The following MAML2 variants were observed in gnomAD, a reference collection of about 807,000 sequenced individuals.
The protein encoded by MAML2 is mastermind-like protein 2.
MAML2 carries 22 observed loss-of-function variants against 96.1 expected under a neutral mutation model. That is an observed-to-expected ratio of 0.23 (90% CI 0.16 to 0.33). The LOEUF (loss-of-function observed/expected upper bound fraction) is 0.33, where lower values mean the gene tolerates loss of function less well. Among genes scored for constraint, MAML2 ranks in the 10% least tolerant of loss-of-function variants. The pLI is 1.00. For missense variants in MAML2, 1,367 were observed against 1,392.4 expected, an observed-to-expected ratio of 0.98 and a Z score of 0.29; for synonymous variants, 561 against 521.3, an observed-to-expected ratio of 1.08 and a Z score of -1.04.
intron 2 of MAML2, among the ~76,000 whole-genome samples, chr11:96,091,141 C>G: frequency 6.6e-6 from 1 of 152,228 alleles, no homozygotes; most frequent in East Asian, 1.9e-4. Context: ...GTTAACCAAA[C>G]GATGTAAGGT....
At chr11:96,263,816 C>T (rs1391628080) in intron 1 of MAML2, among the ~76,000 whole-genome samples, 2 of 152,160 alleles carry the variant, frequency 1.3e-5, no homozygotes, top group Admixed American at 6.5e-5. Context: ...AAATTGGAGT[C>T]AAGAGACCCA....
At chr11:96,284,796 T>G (rs1863116063) in intron 1 of MAML2, among the ~76,000 whole-genome samples, 1 of 152,236 alleles carries the variant, frequency 6.6e-6, no homozygotes, top group South Asian at 2.1e-4. Flanking sequence ...AATATTCCTC[T>G]CCCATGAAGA....
At chr11:96,079,247 A>G (rs1392792712) in intron 2 of MAML2, among the ~76,000 whole-genome samples, 1 of 152,246 alleles carries the variant, frequency 6.6e-6, no homozygotes, top group East Asian at 1.9e-4. Context: ...ACTTGGGACT[A>G]TGAAAATAAT....
intron 1 of MAML2, among the ~76,000 whole-genome samples, chr11:96,309,028 T>C (rs1863502761): frequency 6.6e-6 from 1 of 152,194 alleles, no homozygotes; most frequent in Non-Finnish European, 1.5e-5. Context: ...AATAACTCAT[T>C]AGTTAAGTTC....
intron 1 of MAML2, among the ~76,000 whole-genome samples, chr11:96,212,791 A>C (rs1285896414): frequency 6.6e-6 from 1 of 152,240 alleles, no homozygotes; most frequent in Non-Finnish European, 1.5e-5. Flanking sequence ...TCCTTCTGAC[A>C]TAAAGGAGCA....
At chr11:96,082,038 T>C (rs568724815) in intron 2 of MAML2, among the ~76,000 whole-genome samples, 1 of 152,338 alleles carries the variant, frequency 6.6e-6, no homozygotes, top group African/African-American at 2.4e-5. Context: ...TCCTTTGTCC[T>C]GCCTTTTTTT....
intron 1 of MAML2, among the ~76,000 whole-genome samples, chr11:96,105,932 G>T (rs1425307833): frequency 6.6e-6 from 1 of 151,314 alleles, no homozygotes; most frequent in African/African-American, 2.4e-5. Flanking sequence ...GCCTGGAAAT[G>T]AGAATTTGTA....
chr11:96,193,499 T>G (rs1167524900), intron 1 of MAML2, among the ~76,000 whole-genome samples: 1 of 152,222 alleles, frequency 6.6e-6, no homozygotes, highest in Non-Finnish European at 1.5e-5. Context: ...AAAGATATGC[T>G]GATAGATTTT....
At chr11:96,135,837 T>C (rs1235049430) in intron 1 of MAML2, among the ~76,000 whole-genome samples, 2 of 145,752 alleles carry the variant, frequency 1.4e-5, no homozygotes, top group African/African-American at 5.1e-5. Flanking sequence ...CACTCCAGCC[T>C]GGGCAACAGA....
chr11:96,112,619 C>T (rs1860148559), intron 1 of MAML2, among the ~76,000 whole-genome samples: 1 of 152,240 alleles, frequency 6.6e-6, no homozygotes. Flanking sequence ...CCATTCTTCC[C>T]TCCCCTCTGA....
At chr11:96,091,744 CTTTATGAGGT>C in intron 2 of MAML2, 138 bp downstream of exon 2, 1 of 1,205,340 alleles carries the variant, frequency 8.3e-7, no homozygotes, top group Non-Finnish European at 1.1e-6. Flanking sequence ...ACGAACCAGG[CTTTATGAGGT>C]CTTCATATGA....
chr11:96,093,010 TA>T lies in MAML2; in HGVS notation c.1020del (p.Phe340LeufsTer23), dbSNP rs1483904796. 1 of 1,613,896 alleles carries T rather than the reference TA, an allele frequency of 6.2e-7. No homozygotes were observed. The highest frequency in any genetic ancestry group is 8.5e-7 in the Non-Finnish European group (1 of 1,179,888). On this transcript the variant is annotated frameshift_variant, in exon 2 of 5. Transcript: ENST00000524717. LOFTEE classifies it high-confidence loss of function. ...INATIKQDDP[F>X]NIDLGQQSQR... Reference sequence around the variant, plus strand: ...TGGCTTTGCTGACCCAAGTCAATGTTAAATGGGTCATCCTGCTTTATGGTGG... The same window carrying T: ...TGGCTTTGCTGACCCAAGTCAATGTTAATGGGTCATCCTGCTTTATGGTGG...
intron 1 of MAML2, among the ~76,000 whole-genome samples, chr11:96,204,789 T>G (rs968454268): frequency 2.6e-5 from 4 of 152,268 alleles, no homozygotes; most frequent in African/African-American, 7.2e-5. Context: ...TTCCTGGCTT[T>G]CTGCCAAGGT....
At chr11:96,129,274 G>C (rs1292698202) in intron 1 of MAML2, among the ~76,000 whole-genome samples, 1 of 152,144 alleles carries the variant, frequency 6.6e-6, no homozygotes. Flanking sequence ...CTAAAAATAA[G>C]TAAAGAAGAG....
chr11:96,053,714 G>A (rs1859021434), intron 2 of MAML2, among the ~76,000 whole-genome samples: 3 of 152,186 alleles, frequency 2.0e-5, no homozygotes, highest in African/African-American at 7.2e-5. Context: ...TCATTAGGGT[G>A]ATTACATAAT....
At chr11:96,135,032 C>T (rs527589473) in intron 1 of MAML2, among the ~76,000 whole-genome samples, 2 of 152,318 alleles carry the variant, frequency 1.3e-5, no homozygotes, top group South Asian at 4.1e-4. Context: ...TTTGAATGTG[C>T]CCCACAAAGT....
rs1016760276 is a variant in MAML2 at position 96,294,035 on chromosome 11, G to A, written c.513+47348C>T. Among the ~76,000 whole-genome samples, 22 of 152,172 alleles carry A rather than the reference G, an allele frequency of 1.4e-4. 1 individual carries two copies. Among genetic ancestry groups the A allele is most frequent in the South Asian group, 4.1e-4 (2 of 4,834 alleles). ...CAAAGTACAGAAATTATTCTGGAGA[G>A]AGGCCAATGAATTTTAAGTATTATT... On this transcript the variant is annotated intron_variant, in intron 1 of 4. Coordinates refer to ENST00000524717, the MANE Select transcript of MAML2 (RefSeq NM_032427.4).
At chr11:96,271,264 A>G (rs1199561444) in intron 1 of MAML2, among the ~76,000 whole-genome samples, 1 of 152,146 alleles carries the variant, frequency 6.6e-6, no homozygotes, top group Admixed American at 6.5e-5. Flanking sequence ...GTATACATAT[A>G]TCCTATTAGT....
At chr11:96,084,036 A>G (rs1001667809) in intron 2 of MAML2, among the ~76,000 whole-genome samples, 40 of 152,132 alleles carry the variant, frequency 2.6e-4, no homozygotes, top group Non-Finnish European at 5.0e-4. Context: ...GGCAGAAGGA[A>G]CAGCGTATTT....
Sources: allele counts gnomAD v4.1 joint callset (sites outside exome capture counted in the v4.1 genomes callset), GRCh38; gene constraint gnomAD v4.1.1; transcripts MANE v1.5; gene names NCBI Gene and HGNC (gene_info 2026-07-23, HGNC 2026-07-21).